The following SLC7A1 variants were observed in gnomAD, a reference collection of about 807,000 sequenced individuals.
SLC7A1 encodes solute carrier family 7 member 1, also known as high affinity cationic amino acid transporter 1.
Under a neutral mutation model 53.9 loss-of-function variants are expected in SLC7A1, and 10 were observed. That is an observed-to-expected ratio of 0.19 (90% CI 0.11 to 0.31). The LOEUF (loss-of-function observed/expected upper bound fraction) is 0.31. Among genes scored for constraint, SLC7A1 ranks in the 10% least tolerant of loss-of-function variants. The pLI is 1.00. For synonymous variants in SLC7A1, 342 were observed against 338.7 expected, an observed-to-expected ratio of 1.01 and a Z score of -0.11; for missense variants, 525 against 827.2, an observed-to-expected ratio of 0.63 and a Z score of 4.48.
At chr13:29,584,344 A>C (rs1223173761) in intron 1 of SLC7A1, among the ~76,000 whole-genome samples, 1 of 152,032 alleles carries the variant, frequency 6.6e-6, no homozygotes, top group Non-Finnish European at 1.5e-5. Flanking sequence ...ACGGGGTTTC[A>C]CCATGTTGGC....
At chr13:29,535,068 C>T (rs1324549183) in intron 3 of SLC7A1, among the ~76,000 whole-genome samples, 1 of 152,206 alleles carries the variant, frequency 6.6e-6, no homozygotes, top group Non-Finnish European at 1.5e-5. Context: ...TGGAGGATCA[C>T]AGTCAACAAA....
At chr13:29,515,124 C>T (rs1453109463) in intron 12 of SLC7A1, among the ~76,000 whole-genome samples, 1 of 152,248 alleles carries the variant, frequency 6.6e-6, no homozygotes, top group African/African-American at 2.4e-5. Flanking sequence ...AGGACCTATG[C>T]TTCTTACCAC....
intron 1 of SLC7A1, among the ~76,000 whole-genome samples, chr13:29,561,533 G>A (rs757801965): frequency 3.3e-5 from 5 of 152,164 alleles, no homozygotes; most frequent in Admixed American, 1.3e-4. Flanking sequence ...GTCTGAAAAG[G>A]CAAACTACAA....
At chr13:29,573,106 C>A (rs1213365119) in intron 1 of SLC7A1, among the ~76,000 whole-genome samples, 3 of 152,126 alleles carry the variant, frequency 2.0e-5, no homozygotes, top group African/African-American at 7.2e-5. Context: ...TCTAAAAACA[C>A]AATGATTTAA....
chr13:29,561,950 A>C (rs1195330233), intron 1 of SLC7A1, among the ~76,000 whole-genome samples: 1 of 152,236 alleles, frequency 6.6e-6, no homozygotes, highest in Non-Finnish European at 1.5e-5. Flanking sequence ...CCAGTCCTGA[A>C]AGTCCAAATC....
At chr13:29,518,285 C>CA (rs1462810597) in intron 9 of SLC7A1, among the ~76,000 whole-genome samples, 13 of 152,270 alleles carry the variant, frequency 8.5e-5, no homozygotes, top group African/African-American at 3.1e-4. Flanking sequence ...TTTAAAACTC[C>CA]AAGTACCTTA....
intron 1 of SLC7A1, among the ~76,000 whole-genome samples, chr13:29,562,076 G>A (rs530814752): frequency 1.3e-5 from 2 of 152,102 alleles, no homozygotes; most frequent in Non-Finnish European, 2.9e-5. Context: ...CATTCCTGAC[G>A]GACCCACACT....
chr13:29,515,907 G>A (rs1490652690), intron 12 of SLC7A1, among the ~76,000 whole-genome samples: 1 of 152,254 alleles, frequency 6.6e-6, no homozygotes, highest in Non-Finnish European at 1.5e-5. Context: ...TCATCACCTT[G>A]TTCCTGTTAA....
intron 5 of SLC7A1, 60 bp downstream of exon 5, chr13:29,530,478 C>G (rs1320839750): frequency 1.3e-5 from 18 of 1,429,698 alleles, no homozygotes; most frequent in Non-Finnish European, 1.2e-5. Context: ...AGTTATATCC[C>G]CCATACAATC....
chr13:29,519,097 T>G (rs1273275156), intron 9 of SLC7A1, among the ~76,000 whole-genome samples: 1 of 152,126 alleles, frequency 6.6e-6, no homozygotes, highest in African/African-American at 2.4e-5. Flanking sequence ...AGGGCAGCCC[T>G]CAATCCTCTC....
intron 1 of SLC7A1, among the ~76,000 whole-genome samples, chr13:29,582,567 T>C (rs1359808625): frequency 1.3e-5 from 2 of 152,218 alleles, no homozygotes; most frequent in East Asian, 1.9e-4. Context: ...TGTGGTCTAA[T>C]GGGCAGATCA....
chr13:29,545,675 G>A (rs1258244197), intron 2 of SLC7A1, among the ~76,000 whole-genome samples: 5 of 152,188 alleles, frequency 3.3e-5, no homozygotes, highest in Non-Finnish European at 7.3e-5. Context: ...CCTCACAGAA[G>A]CAGAGGGCAG....
chr13:29,545,257 C>T (rs1442295995), intron 2 of SLC7A1, among the ~76,000 whole-genome samples: 4 of 152,132 alleles, frequency 2.6e-5, no homozygotes, highest in Admixed American at 2.0e-4. Flanking sequence ...GTCTAGGAAG[C>T]CCTCTCCAAG....
At chr13:29,580,503 ATGGCTG>A (rs1871599406) in intron 1 of SLC7A1, among the ~76,000 whole-genome samples, 1 of 152,152 alleles carries the variant, frequency 6.6e-6, no homozygotes, top group South Asian at 2.1e-4. Flanking sequence ...CACACTTTCA[ATGGCTG>A]GCAGAGCCTC....
At chr13:29,546,196 G>A (rs1195660930) in intron 2 of SLC7A1, among the ~76,000 whole-genome samples, 1 of 152,182 alleles carries the variant, frequency 6.6e-6, no homozygotes, top group Non-Finnish European at 1.5e-5. Flanking sequence ...GAACCAACCA[G>A]GGAGCTGGCC....
At chr13:29,531,255 G>C (rs114630151) in intron 4 of SLC7A1, among the ~76,000 whole-genome samples, 1 of 152,036 alleles carries the variant, frequency 6.6e-6, no homozygotes, top group African/African-American at 2.4e-5. Flanking sequence ...ATGGTTCTTC[G>C]TTGGACTCAG....
At position 29,509,586 on chromosome 13, in the gene SLC7A1, C is replaced by T. The variant is rs1883336128; in HGVS notation, c.*4894G>A. On this transcript the variant is annotated 3_prime_UTR_variant, in exon 13 of 13. Transcript: ENST00000380752. ...TTTGAAAGGTGGTGGACGACAACTA[C>T]ACTTGTCCTTAAAGTAAAATAAAAG... 6.6e-6 allele frequency: 1 copy of T among 152,586 alleles called. No individual in the cohort carries two copies. Among genetic ancestry groups the T allele is most frequent in the Non-Finnish European group, 1.5e-5 (1 of 68,038 alleles). 9.5% of individuals were successfully genotyped at this position (152,586 alleles called of 1,614,324 possible).
At chr13:29,548,824 A>G (rs1366616214) in intron 2 of SLC7A1, among the ~76,000 whole-genome samples, 4 of 152,236 alleles carry the variant, frequency 2.6e-5, no homozygotes, top group African/African-American at 9.6e-5. Context: ...CACACACGTA[A>G]AACACACACC....
intron 8 of SLC7A1, among the ~76,000 whole-genome samples, chr13:29,521,073 A>G (rs772311458): frequency 1.2e-4 from 19 of 152,358 alleles, no homozygotes; most frequent in Non-Finnish European, 1.8e-4. Flanking sequence ...AAGCCTGAGA[A>G]AACAATGACT....
Sources: allele counts gnomAD v4.1 joint callset (sites outside exome capture counted in the v4.1 genomes callset), GRCh38; gene constraint gnomAD v4.1.1; transcripts MANE v1.5; gene names NCBI Gene and HGNC (gene_info 2026-07-23, HGNC 2026-07-21).